The following PABPC4L variants were observed in gnomAD, a reference collection of about 807,000 sequenced individuals.
PABPC4L encodes the protein poly(A) binding protein cytoplasmic 4 like, also known as polyadenylate-binding protein 4-like.
For synonymous variants in PABPC4L, 169 were observed against 164.1 expected (o/e 1.03, Z -0.23); for missense variants, 452 against 451.4 (o/e 1.00, Z -0.01).
At chr4:134,141,795 T>C in the PABPC4L span, among the ~76,000 whole-genome samples, 1 of 151,658 alleles carries the variant, frequency 6.6e-6, no homozygotes, top group South Asian at 2.1e-4. Context: ...ATAGAGGCCA[T>C]GTCAAAAGGT....
At chr4:133,963,096 C>T in the PABPC4L span, among the ~76,000 whole-genome samples, 1 of 152,066 alleles carries the variant, frequency 6.6e-6, no homozygotes, top group Non-Finnish European at 1.5e-5. Context: ...CCTCAAGAGA[C>T]TCATCTAACA....
chr4:134,142,929 G>A, the PABPC4L span, among the ~76,000 whole-genome samples: 56 of 151,584 alleles, frequency 3.7e-4, no homozygotes, highest in African/African-American at 1.2e-3. Context: ...TATTATCTCC[G>A]TCCTTGTGGA....
At chr4:133,975,670 C>T in the PABPC4L span, among the ~76,000 whole-genome samples, 2 of 152,098 alleles carry the variant, frequency 1.3e-5, no homozygotes, top group South Asian at 4.2e-4. Context: ...CCCTCCTAAC[C>T]CCCATTATAA....
chr4:133,980,760 C>G, the PABPC4L span, among the ~76,000 whole-genome samples: 1 of 152,092 alleles, frequency 6.6e-6, no homozygotes, highest in African/African-American at 2.4e-5. Context: ...TGTTTATTAA[C>G]TTTAAAAAAA....
At chr4:134,193,122 C>T (rs1444539333), downstream of PABPC4L, among the ~76,000 whole-genome samples, 1 of 151,980 alleles carries the variant, frequency 6.6e-6, no homozygotes, top group East Asian at 1.9e-4. Context: ...TTTTGTGCTG[C>T]CGTAGTGTAT....
At chr4:134,142,697 T>C in the PABPC4L span, among the ~76,000 whole-genome samples, 2 of 151,538 alleles carry the variant, frequency 1.3e-5, no homozygotes, top group African/African-American at 2.4e-5. Context: ...AATTAAGGGA[T>C]ATATAAACTG....
chr4:134,090,886 A>G, the PABPC4L span, among the ~76,000 whole-genome samples: 4 of 151,888 alleles, frequency 2.6e-5, no homozygotes, highest in Non-Finnish European at 4.4e-5. Context: ...CTGTTTCTGG[A>G]TTTTCTATTG....
the PABPC4L span, among the ~76,000 whole-genome samples, chr4:134,013,340 T>G: frequency 6.6e-6 from 1 of 152,004 alleles, no homozygotes; most frequent in African/African-American, 2.4e-5. Context: ...TCTGCTTTTC[T>G]GGAGGGCAAG....
the PABPC4L span, among the ~76,000 whole-genome samples, chr4:134,086,639 C>T: frequency 1.3e-5 from 2 of 151,904 alleles, no homozygotes. Flanking sequence ...TTTGGCCATG[C>T]CACCCTCCCG....
the PABPC4L span, among the ~76,000 whole-genome samples, chr4:134,039,306 C>T: frequency 6.6e-6 from 1 of 151,928 alleles, no homozygotes; most frequent in African/African-American, 2.4e-5. Flanking sequence ...TCTATTGATT[C>T]AGGGTGGAGA....
At chr4:134,168,665 T>C in the PABPC4L span, among the ~76,000 whole-genome samples, 1 of 151,706 alleles carries the variant, frequency 6.6e-6, no homozygotes, top group East Asian at 1.9e-4. Context: ...ATTAAAAAAC[T>C]TAGAAGAAAT....
the PABPC4L span, among the ~76,000 whole-genome samples, chr4:134,107,816 C>G: frequency 6.6e-6 from 1 of 151,500 alleles, no homozygotes; most frequent in African/African-American, 2.4e-5. Context: ...GTTACTTCAG[C>G]TTGTTTTAAA....
chr4:134,158,438 C>G, the PABPC4L span, among the ~76,000 whole-genome samples: 2 of 151,954 alleles, frequency 1.3e-5, no homozygotes, highest in Non-Finnish European at 2.9e-5. Context: ...GTATTCCTTC[C>G]ATTCTGACAT....
the PABPC4L span, among the ~76,000 whole-genome samples, chr4:133,959,633 G>C: frequency 6.6e-6 from 1 of 152,154 alleles, no homozygotes; most frequent in African/African-American, 2.4e-5. Flanking sequence ...TAAAAGACTA[G>C]GTATTGTTAT....
the PABPC4L span, among the ~76,000 whole-genome samples, chr4:134,181,589 A>G: frequency 6.6e-6 from 1 of 151,912 alleles, no homozygotes; most frequent in East Asian, 1.9e-4. Flanking sequence ...TATCCCTGTA[A>G]TTCATACAAT....
the PABPC4L span, among the ~76,000 whole-genome samples, chr4:134,090,535 C>T: frequency 3.9e-3 from 592 of 151,970 alleles, 2 homozygotes; most frequent in African/African-American, 0.013. Context: ...CAGAAAGCTG[C>T]GATAGGATGA....
chr4:134,094,214 A>G, the PABPC4L span, among the ~76,000 whole-genome samples: 1 of 151,768 alleles, frequency 6.6e-6, no homozygotes, highest in South Asian at 2.1e-4. Flanking sequence ...CTATTTTTTC[A>G]TATCTATAGT....
the PABPC4L span, among the ~76,000 whole-genome samples, chr4:134,180,022 G>T: frequency 2.6e-5 from 4 of 152,080 alleles, no homozygotes; most frequent in African/African-American, 7.2e-5. Flanking sequence ...TTTGTGACCT[G>T]AACTCCACAC....
chr4:134,042,302 G>T, the PABPC4L span, among the ~76,000 whole-genome samples: 2 of 152,014 alleles, frequency 1.3e-5, no homozygotes, highest in African/African-American at 2.4e-5. Context: ...GGTTGGGGGT[G>T]GGCAGGGAGT....
Sources: allele counts gnomAD v4.1 joint callset (sites outside exome capture counted in the v4.1 genomes callset), GRCh38; gene constraint gnomAD v4.1.1; transcripts MANE v1.5; gene names NCBI Gene and HGNC (gene_info 2026-07-23, HGNC 2026-07-21).